LRSAM1: variants seen among roughly 807,000 people sequenced by gnomAD.
LRSAM1 encodes E3 ubiquitin-protein ligase LRSAM1.
Under a neutral mutation model 118.1 loss-of-function variants are expected in LRSAM1, and 96 were observed. The ratio of observed to expected loss-of-function variants is 0.81; its 90% CI spans 0.69 to 0.96. LRSAM1 has a LOEUF of 0.96. Ranked by LOEUF, LRSAM1 falls within the 40% of genes least tolerant of loss-of-function variation. The pLI is 0.00. For synonymous variants in LRSAM1, 322 were observed against 364.2 expected (o/e 0.88, Z 1.32); for missense variants, 804 against 915.5 (o/e 0.88, Z 1.57).
At chr9:127,487,576 T>C in intron 17 of LRSAM1, 100 bp from the exon 18 acceptor site, 1 of 1,134,084 alleles carries the variant, frequency 8.8e-7, no homozygotes, top group South Asian at 1.3e-5. Flanking sequence ...TGTGGTCCAC[T>C]GAAGAAATGG....
intron 7 of LRSAM1, 90 bp downstream of exon 7, chr9:127,459,161 C>T: frequency 7.8e-7 from 1 of 1,280,332 alleles, no homozygotes; most frequent in African/African-American, 1.5e-5. Context: ...CGGGCTCCAG[C>T]CAGTGGAAGC....
chr9:127,462,875 A>G (rs1265942689), intron 9 of LRSAM1, among the ~76,000 whole-genome samples: 2 of 151,960 alleles, frequency 1.3e-5, no homozygotes, highest in Admixed American at 6.6e-5. Context: ...AAAAGTTGTG[A>G]TATTCAAGCC....
In LRSAM1 at chr9:127,492,828, C is replaced by G. The variant is rs778681615; in HGVS notation, c.1530C>G (p.Ala510=). The stretch of plus-strand genomic sequence containing the variant: ...AGATGATCTCGGAGCAGCGCTGGGC[C>G]CTCAGCTCCCTGCTCCAGCAGCTGC... ...LQEMISEQRW[A]LSSLLQQLLK... is the part of the protein sequence containing the mutation. The change falls in exon 21 of 26, where the codon GCC becomes GCG. Residue 510 remains alanine, a synonymous_variant. Transcript: ENST00000300417. The G allele has an allele frequency of 1.2e-5, 19 of 1,613,932 alleles. No homozygotes were observed. In the South Asian group the frequency reaches 2.0e-4, roughly 17 times the overall value.
chr9:127,471,510 G>A (rs1356010468), intron 10 of LRSAM1, among the ~76,000 whole-genome samples: 4 of 143,104 alleles, frequency 2.8e-5, no homozygotes, highest in African/African-American at 7.7e-5. Context: ...TTTTGGGCTG[G>A]GCGCGGTGGC....
intron 2 of LRSAM1, chr9:127,454,033 C>G (rs1834420051): frequency 3.5e-6 from 1 of 287,862 alleles, no homozygotes; most frequent in African/African-American, 2.2e-5. Context: ...CAGCCCCTGC[C>G]TCCATGGAAC....
chr9:127,455,260 G>A (rs1398747709), intron 4 of LRSAM1, among the ~76,000 whole-genome samples: 2 of 149,534 alleles, frequency 1.3e-5, no homozygotes, highest in Admixed American at 6.7e-5. Context: ...GAGTCAAGGA[G>A]TCTAGGTAGA....
In LRSAM1 at chr9:127,492,794, G is replaced by T; in HGVS notation, c.1504-8G>T. 1 of 1,613,314 alleles carries T rather than the reference G, an allele frequency of 6.2e-7. No homozygotes were observed. Among genetic ancestry groups the T allele is most frequent in the Non-Finnish European group, 8.5e-7 (1 of 1,179,886 alleles). ...TCACGGTGGTGCGGGGTGTGGTCTT[G>T]TTCGCAGGAGATGATCTCGGAGCAG... On this transcript the variant is annotated splice_polypyrimidine_tract_variant and splice_region_variant and intron_variant, in intron 20 of 25. Coordinates refer to ENST00000300417, the MANE Select transcript of LRSAM1 (RefSeq NM_001005373.4).
intron 5 of LRSAM1, among the ~76,000 whole-genome samples, chr9:127,456,504 T>C (rs1252567062): frequency 1.3e-5 from 2 of 152,166 alleles, no homozygotes; most frequent in African/African-American, 2.4e-5. Flanking sequence ...GTGCTGGGAT[T>C]ACAGGTGTGA....
At chr9:127,455,938 A>C (rs1267575561) in intron 5 of LRSAM1, among the ~76,000 whole-genome samples, 1 of 152,162 alleles carries the variant, frequency 6.6e-6, no homozygotes, top group African/African-American at 2.4e-5. Context: ...GAATTAAATG[A>C]GTGGTAGATA....
intron 7 of LRSAM1, among the ~76,000 whole-genome samples, chr9:127,460,303 T>A (rs924940597): frequency 1.3e-5 from 2 of 152,104 alleles, no homozygotes; most frequent in African/African-American, 4.8e-5. Context: ...TGGCCCCCAT[T>A]GCATCTATTT....
At chr9:127,500,907 T>G in intron 24 of LRSAM1, 103 bp from the exon 25 acceptor site, 1 of 1,534,978 alleles carries the variant, frequency 6.5e-7, no homozygotes, top group Non-Finnish European at 9.0e-7. Flanking sequence ...TCCCCCACCC[T>G]CCAGCTCACT....
At chr9:127,499,985 C>G (rs895610793) in intron 24 of LRSAM1, among the ~76,000 whole-genome samples, 1 of 151,622 alleles carries the variant, frequency 6.6e-6, no homozygotes, top group Admixed American at 6.6e-5. Context: ...TAATTCAAGC[C>G]GTAGAATAAA....
Position 127,495,970 on chromosome 9 carries a change from G to A in LRSAM1, c.1705G>A (p.Gly569Arg), listed in dbSNP as rs368491511. The A allele has an allele frequency of 1.9e-6, 3 of 1,612,822 alleles. No individual in the cohort carries two copies. Among genetic ancestry groups the A allele is most frequent in the East Asian group, 2.2e-5 (1 of 44,882 alleles). The change falls in exon 23 of 26, where the codon GGG becomes AGG. Residue 569 changes from glycine (G) to arginine (R), a missense_variant. Coordinates refer to ENST00000300417, the MANE Select transcript of LRSAM1 (RefSeq NM_001005373.4). ...ACACGTTTCTGTCTTGCAGGAAGAG[G>A]GGATGGAGCGCCAGCTGGTGGCCCT... ...KPLSLKLQEEGMERQLVALLE... is the reference protein window; with the variant it reads ...KPLSLKLQEERMERQLVALLE...
intron 10 of LRSAM1, among the ~76,000 whole-genome samples, chr9:127,469,776 A>C (rs1835097186): frequency 6.6e-6 from 1 of 152,170 alleles, no homozygotes; most frequent in Non-Finnish European, 1.5e-5. Flanking sequence ...ATCCTGACTA[A>C]CACAGTGAAA....
At chr9:127,478,576 G>A (rs1356830406) in intron 11 of LRSAM1, among the ~76,000 whole-genome samples, 1 of 152,188 alleles carries the variant, frequency 6.6e-6, no homozygotes, top group Non-Finnish European at 1.5e-5. Flanking sequence ...GACTGGAACC[G>A]GGTGCTGTAG....
chr9:127,502,717 C>G, intron 25 of LRSAM1, 57 bp from the exon 26 acceptor site: 1 of 1,530,156 alleles, frequency 6.5e-7, no homozygotes, highest in Non-Finnish European at 9.0e-7. Context: ...AAAAGACGGG[C>G]CTGGGACTCC....
intron 6 of LRSAM1, among the ~76,000 whole-genome samples, chr9:127,457,923 T>C (rs1248362729): frequency 6.6e-6 from 1 of 151,588 alleles, no homozygotes; most frequent in Non-Finnish European, 1.5e-5. Context: ...TAGGGAATAA[T>C]GACAAGAGAA....
At chr9:127,502,735 CG>C (rs1392473176) in intron 25 of LRSAM1, 38 bp from the exon 26 acceptor site, 2 of 1,604,972 alleles carry the variant, frequency 1.2e-6, no homozygotes, top group African/African-American at 2.7e-5. Context: ...TCCTGGAACC[CG>C]GTAGGGCCAG....
At chr9:127,487,814 G>A (rs752844497) in intron 18 of LRSAM1, 51 bp downstream of exon 18, 4 of 1,539,150 alleles carry the variant, frequency 2.6e-6, no homozygotes, top group South Asian at 2.3e-5. Context: ...GGAGGTTCAG[G>A]AGCCAGGGCA....
Sources: gnomAD v4.1 joint callset for allele counts (sites outside exome capture counted in the v4.1 genomes callset) on GRCh38, gnomAD v4.1.1 for gene constraint, MANE v1.5 for transcripts, NCBI Gene and HGNC (gene_info 2026-07-23, HGNC 2026-07-21) for gene names.